STRN: variants seen among roughly 807,000 people sequenced by gnomAD.
The protein encoded by STRN is protein phosphatase 2 regulatory subunit B'''alpha.
STRN carries 53 observed loss-of-function variants against 96.3 expected under a neutral mutation model. The ratio of observed to expected loss-of-function variants is 0.55; its 90% CI spans 0.44 to 0.69. STRN has a LOEUF of 0.69. STRN is among the 30% of genes least tolerant of loss of function. The pLI, the probability that STRN is intolerant of heterozygous loss-of-function variation, is 0.00. For synonymous variants in STRN, 428 were observed against 355.9 expected (o/e 1.20, Z -2.28); for missense variants, 987 against 963.9 (o/e 1.02, Z -0.32).
chr2:36,875,986 G>T (rs1668899080), intron 10 of STRN, among the ~76,000 whole-genome samples: 1 of 152,124 alleles, frequency 6.6e-6, no homozygotes, highest in Non-Finnish European at 1.5e-5. Flanking sequence ...TCTTTATCAG[G>T]TCAGGCATGG....
chr2:36,937,689 G>GAA (rs1200862767), intron 1 of STRN, among the ~76,000 whole-genome samples: 2 of 125,406 alleles, frequency 1.6e-5, no homozygotes, highest in African/African-American at 2.9e-5. Context: ...AGAAAGAAAA[G>GAA]AAAAAAAAAA....
At chr2:36,962,616 T>C (rs1194032968) in intron 1 of STRN, among the ~76,000 whole-genome samples, 1 of 151,834 alleles carries the variant, frequency 6.6e-6, no homozygotes, top group Non-Finnish European at 1.5e-5. Context: ...AACCTCCGCC[T>C]CCCAGGTTCA....
intron 1 of STRN, among the ~76,000 whole-genome samples, chr2:36,955,308 A>G (rs902557378): frequency 1.3e-5 from 2 of 152,166 alleles, no homozygotes; most frequent in African/African-American, 2.4e-5. Context: ...GAAACGGGGG[A>G]TGAGATTACT....
chr2:36,860,451 C>A (rs1442320906), intron 13 of STRN, among the ~76,000 whole-genome samples: 5 of 152,134 alleles, frequency 3.3e-5, no homozygotes, highest in African/African-American at 1.2e-4. Context: ...CTTATCCTTA[C>A]TCTGGTTTGG....
chr2:36,951,707 C>G (rs952411408), intron 1 of STRN, among the ~76,000 whole-genome samples: 1 of 152,214 alleles, frequency 6.6e-6, no homozygotes, highest in Non-Finnish European at 1.5e-5. Context: ...AGTCACTCTA[C>G]TGACCTTAGA....
intron 9 of STRN, among the ~76,000 whole-genome samples, chr2:36,881,781 G>A (rs1669077537): frequency 6.6e-6 from 1 of 152,084 alleles, no homozygotes; most frequent in Non-Finnish European, 1.5e-5. Flanking sequence ...TTAGAATTCT[G>A]CATAATTCAT....
intron 6 of STRN, among the ~76,000 whole-genome samples, chr2:36,896,667 A>G (rs1195677907): frequency 6.6e-6 from 1 of 152,298 alleles, no homozygotes; most frequent in African/African-American, 2.4e-5. Context: ...GGGACGTGGG[A>G]TTCTTTATAC....
intron 1 of STRN, among the ~76,000 whole-genome samples, chr2:36,946,250 C>T (rs985835202): frequency 6.6e-6 from 1 of 150,498 alleles, no homozygotes; most frequent in Non-Finnish European, 1.5e-5. Context: ...TTTTTTTCTA[C>T]CTAAAACATC....
chr2:36,879,016 G>C (rs1668996312), intron 9 of STRN, among the ~76,000 whole-genome samples: 1 of 151,798 alleles, frequency 6.6e-6, no homozygotes, highest in South Asian at 2.1e-4. Context: ...GCCTCCCAAA[G>C]TGCTGGGATT....
rs747394056 is a variant in STRN at position 36,925,182 on chromosome 2, T to C, written c.261A>G (p.Glu87=). The C allele has an allele frequency of 1.9e-6, 3 of 1,613,962 alleles. No homozygotes were observed. Among genetic ancestry groups the C allele is most frequent in the South Asian group, 1.1e-5 (1 of 91,074 alleles). The change falls in exon 2 of 18, where the codon GAA becomes GAG. Residue 87 remains glutamate (E), a synonymous_variant. Transcript: ENST00000263918. ...LQAQIAFLQG[E]RKGQENLKKD... ...TCTTCAAATTTTCTTGGCCCTTCCT[T>C]TCTCCCTGCAGGAAGGCAATCTGGG...
intron 1 of STRN, among the ~76,000 whole-genome samples, chr2:36,960,464 G>C (rs1019702653): frequency 2.0e-5 from 3 of 152,148 alleles, no homozygotes; most frequent in Non-Finnish European, 4.4e-5. Flanking sequence ...TGAAGATTAT[G>C]CTTTTCTCTG....
intron 13 of STRN, among the ~76,000 whole-genome samples, chr2:36,859,661 G>C (rs543988899): frequency 1.3e-5 from 2 of 152,284 alleles, no homozygotes; most frequent in African/African-American, 4.8e-5. Context: ...ACTGCAAAAA[G>C]TTAGGGTCTG....
At chr2:36,933,904 G>A in intron 1 of STRN, among the ~76,000 whole-genome samples, 1 of 152,182 alleles carries the variant, frequency 6.6e-6, no homozygotes, top group East Asian at 1.9e-4. Flanking sequence ...GAGGTCAGGA[G>A]TTTGATACCA....
chr2:36,878,550 G>C (rs1668976035), intron 9 of STRN, among the ~76,000 whole-genome samples: 1 of 152,044 alleles, frequency 6.6e-6, no homozygotes, highest in Non-Finnish European at 1.5e-5. Flanking sequence ...GCCAGAAGAG[G>C]GGTAGTGATT....
intron 2 of STRN, among the ~76,000 whole-genome samples, chr2:36,924,895 A>G (rs1194618866): frequency 2.0e-5 from 3 of 152,142 alleles, no homozygotes; most frequent in Admixed American, 6.5e-5. Context: ...TGACTCTACT[A>G]AAAATACAAA....
intron 1 of STRN, among the ~76,000 whole-genome samples, chr2:36,949,609 G>A (rs972682529): frequency 2.6e-5 from 4 of 152,268 alleles, no homozygotes; most frequent in South Asian, 2.1e-4. Flanking sequence ...TTTAAACTAC[G>A]TATTTTACAA....
chr2:36,946,962 T>C (rs1215280796), intron 1 of STRN, among the ~76,000 whole-genome samples: 1 of 152,030 alleles, frequency 6.6e-6, no homozygotes, highest in Non-Finnish European at 1.5e-5. Context: ...GTGGTGAGAT[T>C]TCGGCTCACT....
At chr2:36,859,452 T>C (rs2148135213) in intron 13 of STRN, among the ~76,000 whole-genome samples, 1 of 152,210 alleles carries the variant, frequency 6.6e-6, no homozygotes, top group African/African-American at 2.4e-5. Context: ...AATTCTTAGG[T>C]TTCTAGTTTG....
intron 15 of STRN, 22 bp downstream of exon 15, chr2:36,855,190 A>G: frequency 2.5e-6 from 4 of 1,606,502 alleles, no homozygotes; most frequent in African/African-American, 1.3e-5. Context: ...AAACACAGAC[A>G]ATTTAAAATT....
Sources: gnomAD v4.1 joint callset for allele counts (sites outside exome capture counted in the v4.1 genomes callset) on GRCh38, gnomAD v4.1.1 for gene constraint, MANE v1.5 for transcripts, NCBI Gene and HGNC (gene_info 2026-07-23, HGNC 2026-07-21) for gene names.